Variants in KANK1 observed in about 807,000 individuals in gnomAD.
The protein encoded by KANK1 is KN motif and ankyrin repeat domains 1, also known as KN motif and ankyrin repeat domain-containing protein 1.
KANK1 carries 109 observed loss-of-function variants against 106.2 expected under a neutral mutation model. The observed-to-expected ratio is 1.03, with a 90% CI of 0.88 to 1.20. The LOEUF (loss-of-function observed/expected upper bound fraction) is 1.20. KANK1 is among the 50% of genes most tolerant of loss of function. KANK1 has a pLI of 0.00. For synonymous variants in KANK1, 873 were observed against 652.2 expected (o/e 1.34, Z -5.16); for missense variants, 2,399 against 1,710.7 (o/e 1.40, Z -7.10).
chr9:519,709 C>A (rs929703295), intron 1 of KANK1, among the ~76,000 whole-genome samples: 1 of 151,772 alleles, frequency 6.6e-6, no homozygotes, highest in Admixed American at 6.5e-5. Flanking sequence ...TTGTTTTATC[C>A]TCCATCAGTT....
intron 3 of KANK1, among the ~76,000 whole-genome samples, chr9:723,322 G>A (rs929771939): frequency 6.6e-6 from 1 of 152,184 alleles, no homozygotes; most frequent in Admixed American, 6.5e-5. Flanking sequence ...TATAGCACCT[G>A]GTATTCCTGG....
chr9:623,196 C>T (rs950517256), intron 1 of KANK1, among the ~76,000 whole-genome samples: 2 of 151,882 alleles, frequency 1.3e-5, no homozygotes, highest in African/African-American at 4.8e-5. Context: ...ACGAGAAACT[C>T]GTACAACTCA....
chr9:484,149 G>A (rs935257547), intron 3 of KANK1: 12 of 152,166 alleles, frequency 7.9e-5, no homozygotes, highest in Admixed American at 2.0e-4. Context: ...CCTTCCATTG[G>A]AAGCCAGGGG....
Position 635,873 on chromosome 9 carries a change from C to T in KANK1, c.-83-41017C>T, listed in dbSNP as rs141337773. Among the ~76,000 whole-genome samples, 5 of 151,760 alleles carry T rather than the reference C, an allele frequency of 3.3e-5. No homozygotes were observed. In the East Asian group the frequency reaches 9.7e-4, roughly 29 times the overall value. The stretch of plus-strand genomic sequence containing the variant: ...ACCACTTTAGTAGAGACAGGTTTCA[C>T]TTTATTGGTCAGACTGGTCTTGAAC... On this transcript the variant is annotated intron_variant, in intron 1 of 11. Coordinates refer to ENST00000382297, the MANE Select transcript of KANK1 (RefSeq NM_015158.5).
chr9:494,973 T>C (rs1435675863), intron 3 of KANK1, among the ~76,000 whole-genome samples: 2 of 152,204 alleles, frequency 1.3e-5, no homozygotes, highest in Non-Finnish European at 2.9e-5. Context: ...ACACATGCAT[T>C]TGTTAAATAA....
At chr9:585,638 A>G (rs1315945350) in intron 1 of KANK1, among the ~76,000 whole-genome samples, 3 of 152,238 alleles carry the variant, frequency 2.0e-5, no homozygotes, top group Non-Finnish European at 4.4e-5. Context: ...TGGACAGCTA[A>G]TCTTGGTGAA....
intron 1 of KANK1, among the ~76,000 whole-genome samples, chr9:555,220 A>G (rs965793035): frequency 2.0e-5 from 3 of 152,236 alleles, no homozygotes; most frequent in Non-Finnish European, 2.9e-5. Context: ...ATACCACGTC[A>G]GTAATCCAAA....
intron 1 of KANK1, among the ~76,000 whole-genome samples, chr9:532,255 T>G (rs1460639520): frequency 6.6e-6 from 1 of 151,024 alleles, no homozygotes; most frequent in Non-Finnish European, 1.5e-5. Context: ...TTTTTTTTTT[T>G]TTTGAGACAG....
intron 1 of KANK1, among the ~76,000 whole-genome samples, chr9:632,890 C>T (rs1204507627): frequency 6.6e-6 from 1 of 152,004 alleles, no homozygotes. Flanking sequence ...CACGGGGTTT[C>T]GCCATGTTTG....
chr9:510,590 C>G (rs967849106), intron 1 of KANK1, among the ~76,000 whole-genome samples: 2 of 152,184 alleles, frequency 1.3e-5, no homozygotes, highest in African/African-American at 4.8e-5. Context: ...TGAGCCTTCT[C>G]AAGGAGAGAG....
intron 6 of KANK1, 103 bp downstream of exon 6, chr9:732,720 ATC>A: frequency 7.5e-7 from 1 of 1,334,816 alleles, no homozygotes. Flanking sequence ...GTTTGCTTTT[ATC>A]TGTTCCTCAG....
chr9:481,307 C>G (rs2058199341), intron 3 of KANK1, among the ~76,000 whole-genome samples: 1 of 151,948 alleles, frequency 6.6e-6, no homozygotes, highest in African/African-American at 2.4e-5. Context: ...AAAAAAAACC[C>G]AAAAACAAAA....
At position 576,836 on chromosome 9, in the gene KANK1, T is replaced by G. The variant is rs139628422; in HGVS notation, c.-84+72082T>G. ...CATGATAAATAACTGTTAAATAGAT[T>G]TCTATACTATTAACAGAAAGCTTGT... On this transcript the variant is annotated intron_variant, in intron 1 of 11. Coordinates refer to ENST00000382297, the MANE Select transcript of KANK1 (RefSeq NM_015158.5). Among the ~76,000 whole-genome samples the G allele has an allele frequency of 5.6e-3, 859 of 152,266 alleles. 14 individuals carry two copies. Among genetic ancestry groups the G allele is most frequent in the African/African-American group, 0.02 (812 of 41,558 alleles).
intron 2 of KANK1, chr9:706,977 T>G (rs1235086731): frequency 1.0e-5 from 10 of 985,384 alleles, no homozygotes; most frequent in Non-Finnish European, 1.2e-5. Context: ...ACACACATTT[T>G]CAGAAGATAC....
intron 1 of KANK1, among the ~76,000 whole-genome samples, chr9:611,721 CTAACTCTTTT>C (rs1428834811): frequency 6.6e-6 from 1 of 152,150 alleles, no homozygotes; most frequent in Non-Finnish European, 1.5e-5. Context: ...CCTTGACCAT[CTAACTCTTTT>C]TTTTGGAGAC....
At chr9:679,216 C>T (rs1817019558) in intron 2 of KANK1, among the ~76,000 whole-genome samples, 1 of 152,076 alleles carries the variant, frequency 6.6e-6, no homozygotes, top group African/African-American at 2.4e-5. Flanking sequence ...AGATTTTTTA[C>T]TTATTCTAGT....
chr9:570,711 T>C (rs1235887726), intron 1 of KANK1, among the ~76,000 whole-genome samples: 1 of 152,212 alleles, frequency 6.6e-6, no homozygotes, highest in East Asian at 1.9e-4. Context: ...AATTTGTAGT[T>C]TTTGTAAGTT....
chr9:494,364 T>C (rs1220400521), intron 3 of KANK1, among the ~76,000 whole-genome samples: 1 of 152,214 alleles, frequency 6.6e-6, no homozygotes, highest in Non-Finnish European at 1.5e-5. Flanking sequence ...CTTAGAATTA[T>C]TTCATGTATA....
At chr9:488,379 C>T (rs2058327946) in intron 3 of KANK1, among the ~76,000 whole-genome samples, 1 of 152,178 alleles carries the variant, frequency 6.6e-6, no homozygotes, top group South Asian at 2.1e-4. Context: ...AAGTTTCTTA[C>T]ACTTTTGTGT....
Sources: gnomAD v4.1 joint callset for allele counts (sites outside exome capture counted in the v4.1 genomes callset) on GRCh38, gnomAD v4.1.1 for gene constraint, MANE v1.5 for transcripts, NCBI Gene and HGNC (gene_info 2026-07-23, HGNC 2026-07-21) for gene names.